Variants in MTM1 observed in about 807,000 individuals in gnomAD.
MTM1 encodes the protein myotubularin.
Under a neutral mutation model 52.1 loss-of-function variants are expected in MTM1, and 9 were observed. That is an observed-to-expected ratio of 0.17 (90% CI 0.10 to 0.30). The LOEUF is 0.30. MTM1 is among the 10% of genes least tolerant of loss of function. The pLI, the probability that MTM1 is intolerant of heterozygous loss-of-function variation, is 1.00. For synonymous variants in MTM1, 136 were observed against 163.8 expected (o/e 0.83, Z 1.29); for missense variants, 277 against 470.7 (o/e 0.59, Z 3.81).
At chrX:150,565,993 TACACACACACACACACACAC>T (rs782745793), upstream of MTM1, among the ~76,000 whole-genome samples, 1 of 88,453 alleles carries the variant, frequency 1.1e-5, no homozygotes, top group Non-Finnish European at 2.2e-5. Flanking sequence ...TGAAGATTCC[TACACACACACACACACACAC>T]ACACACACAC....
At chrX:150,647,841 G>T (rs1327778337) in intron 9 of MTM1, among the ~76,000 whole-genome samples, 4 of 112,267 alleles carry the variant, frequency 3.6e-5, no homozygotes, top group Non-Finnish European at 5.6e-5. Flanking sequence ...GCAGCAAGCC[G>T]CTTCTATTTT....
chrX:150,572,651 A>G (rs181929152), intron 1 of MTM1, among the ~76,000 whole-genome samples: 18 of 112,491 alleles, frequency 1.6e-4, no homozygotes, highest in African/African-American at 4.8e-4. Context: ...AGTGTCTCAG[A>G]ATGGAAGACT....
At position 150,590,285 on chromosome X, in the gene MTM1, C is replaced by T. The variant is rs190850739; in HGVS notation, c.-10-2320C>T. On this transcript the variant is annotated intron_variant, in intron 1 of 14. Transcript: ENST00000370396. The stretch of plus-strand genomic sequence containing the variant: ...GACCTTTGGATTTCTCGGATGTATA[C>T]TTGATCCAACTATTAACAGTAGTAG... Among the ~76,000 whole-genome samples the T allele has an allele frequency of 6.0e-3, 680 of 112,432 alleles. 5 individuals carry two copies. The highest frequency in any genetic ancestry group is 0.021 in the African/African-American group (653 of 30,946).
At chrX:150,572,458 C>T (rs1328265211) in intron 1 of MTM1, among the ~76,000 whole-genome samples, 3 of 112,158 alleles carry the variant, frequency 2.7e-5, no homozygotes, top group Non-Finnish European at 5.6e-5. Flanking sequence ...CAATCTCCCT[C>T]TTCTGTCATC....
intron 6 of MTM1, among the ~76,000 whole-genome samples, chrX:150,637,988 ACT>A (rs2039779942): frequency 8.9e-6 from 1 of 112,712 alleles, no homozygotes; most frequent in Admixed American, 9.3e-5. Flanking sequence ...TGACACTGTC[ACT>A]CTGACTTGAG....
Position 150,672,381 on chromosome X carries a change from C to T in MTM1, c.*786C>T, listed in dbSNP as rs1195940917. On this transcript the variant is annotated 3_prime_UTR_variant, in exon 15 of 15. Coordinates refer to ENST00000370396, the MANE Select transcript of MTM1 (RefSeq NM_000252.3). Reference sequence around the variant, plus strand: ...CAAAGAGAGCACTGTCCAAGGATGTCGGGAGCATCCTGCTGCTTAGGGGAA... The same window carrying T: ...CAAAGAGAGCACTGTCCAAGGATGTTGGGAGCATCCTGCTGCTTAGGGGAA... The T allele has an allele frequency of 1.8e-5, 2 of 111,672 alleles. No individual in the cohort carries two copies. Among genetic ancestry groups the T allele is most frequent in the Non-Finnish European group, 3.8e-5 (2 of 53,207 alleles). The allele number at this position is 111,672 out of a possible 1,213,427, so 9.2% of individuals were successfully genotyped here.
intron 4 of MTM1, among the ~76,000 whole-genome samples, chrX:150,600,945 C>G: frequency 9.0e-6 from 1 of 111,341 alleles, no homozygotes; most frequent in Non-Finnish European, 1.9e-5. Flanking sequence ...GTGACCTCAA[C>G]TACGAAAAAC....
At chrX:150,615,819 G>A (rs782497541) in intron 5 of MTM1, among the ~76,000 whole-genome samples, 1 of 111,951 alleles carries the variant, frequency 8.9e-6, no homozygotes, top group East Asian at 2.8e-4. Context: ...AATCTTAACT[G>A]AAATTCACCA....
rs782677057 is a variant in MTM1, at chrX:150,592,360, C to G, written c.-10-245C>G. Among the ~76,000 whole-genome samples the G allele has an allele frequency of 5.4e-5, 6 of 111,287 alleles. No individual in the cohort carries two copies. In the East Asian group the frequency reaches 1.1e-3, roughly 21 times the overall value. On this transcript the variant is annotated intron_variant, in intron 1 of 14. Coordinates refer to ENST00000370396, the MANE Select transcript of MTM1 (RefSeq NM_000252.3). ...TATGGCGTCTTCTGCTGAGCTCCCCCTTGTGCATTTAGCTCCCCTTGTCTG... is the reference window on the plus strand; with the variant it reads ...TATGGCGTCTTCTGCTGAGCTCCCCGTTGTGCATTTAGCTCCCCTTGTCTG...
intron 14 of MTM1, among the ~76,000 whole-genome samples, chrX:150,667,113 T>C (rs957743036): frequency 1.8e-5 from 2 of 112,134 alleles, no homozygotes; most frequent in Admixed American, 9.5e-5. Context: ...GCCAGGTAGC[T>C]GCTCACCTCA....
At chrX:150,610,735 G>A (rs1187491233) in intron 4 of MTM1, among the ~76,000 whole-genome samples, 2 of 111,670 alleles carry the variant, frequency 1.8e-5, no homozygotes, top group African/African-American at 6.5e-5. Context: ...TCTCCTCAGC[G>A]ACCTGTTTTC....
chrX:150,595,596 T>A (rs2038961832), intron 2 of MTM1, among the ~76,000 whole-genome samples: 1 of 112,793 alleles, frequency 8.9e-6, no homozygotes, highest in Non-Finnish European at 1.9e-5. Flanking sequence ...AATGAAATAC[T>A]GCTGAAAAAA....
chrX:150,583,646 ATT>A (rs1217332763), intron 1 of MTM1, among the ~76,000 whole-genome samples: 3 of 36,888 alleles, frequency 8.1e-5, no homozygotes, highest in African/African-American at 3.5e-4. Context: ...ATAATATATA[ATT>A]TATATATATT....
chrX:150,657,008 C>T (rs1557414445), intron 10 of MTM1, among the ~76,000 whole-genome samples: 1 of 111,042 alleles, frequency 9.0e-6, no homozygotes, highest in South Asian at 3.9e-4. Context: ...AATAAGAACA[C>T]TTTTACACTG....
intron 4 of MTM1, among the ~76,000 whole-genome samples, chrX:150,614,359 A>T (rs1052580665): frequency 2.0e-4 from 22 of 111,723 alleles, no homozygotes; most frequent in Non-Finnish European, 2.8e-4. Flanking sequence ...TTTAGTCTTT[A>T]CTCCAGAGGC....
intron 10 of MTM1, among the ~76,000 whole-genome samples, chrX:150,654,848 T>C (rs1475826866): frequency 8.9e-6 from 1 of 111,742 alleles, no homozygotes; most frequent in Non-Finnish European, 1.9e-5. Context: ...ATAATACATG[T>C]CTGTTGCATG....
At chrX:150,614,902 A>G (rs1046476784) in intron 5 of MTM1, among the ~76,000 whole-genome samples, 1 of 111,619 alleles carries the variant, frequency 9.0e-6, no homozygotes, top group Non-Finnish European at 1.9e-5. Flanking sequence ...CAATCACCAA[A>G]TACAAGGACT....
At chrX:150,574,524 T>A (rs2148398023) in intron 1 of MTM1, among the ~76,000 whole-genome samples, 1 of 112,848 alleles carries the variant, frequency 8.9e-6, no homozygotes, top group African/African-American at 3.2e-5. Flanking sequence ...ATTTAAAATT[T>A]TCTAGTAGCC....
intron 1 of MTM1, among the ~76,000 whole-genome samples, chrX:150,585,014 A>G (rs1281047989): frequency 9.1e-6 from 1 of 109,618 alleles, no homozygotes; most frequent in Non-Finnish European, 1.9e-5. Context: ...GAACTCCTGG[A>G]TGTGGAGGGC....
Sources: allele counts gnomAD v4.1 joint callset (sites outside exome capture counted in the v4.1 genomes callset), GRCh38; gene constraint gnomAD v4.1.1; transcripts MANE v1.5; gene names NCBI Gene and HGNC (gene_info 2026-07-23, HGNC 2026-07-21).